Variants in MGAT5 observed in about 807,000 individuals in gnomAD.
The protein encoded by MGAT5 is alpha-1,6-mannosylglycoprotein 6-beta-N-acetylglucosaminyltransferase.
In MGAT5, 30 loss-of-function variants were observed where a neutral mutation model predicts 94.3. That is an observed-to-expected ratio of 0.32 (90% CI 0.24 to 0.43). The LOEUF is 0.43. Ranked by LOEUF, MGAT5 falls within the 20% of genes least tolerant of loss-of-function variation. The probability of loss-of-function intolerance (pLI) is 1.00; values close to 1 mark genes in which losing one functional copy is unlikely to be tolerated. For missense variants in MGAT5, 691 were observed against 905.5 expected (o/e 0.76, Z 3.04); for synonymous variants, 310 against 322.9 (o/e 0.96, Z 0.43).
intron 1 of MGAT5, among the ~76,000 whole-genome samples, chr2:134,165,769 T>A (rs1687940531): frequency 6.6e-6 from 1 of 151,106 alleles, no homozygotes; most frequent in African/African-American, 2.4e-5. Context: ...AGCGAAACTC[T>A]GTCTCAAAAA....
intron 13 of MGAT5, among the ~76,000 whole-genome samples, chr2:134,425,111 A>C (rs1242154668): frequency 1.3e-5 from 2 of 152,240 alleles, no homozygotes; most frequent in African/African-American, 4.8e-5. Flanking sequence ...AGCAGAAAAG[A>C]AAAACACACC....
Position 134,422,858 on chromosome 2 carries a change from C to T in MGAT5, c.1733C>T (p.Thr578Ile). Residue 578 changes from threonine (T) to isoleucine (I), a missense_variant, in exon 13 of 16, where the codon ACT becomes ATT. By Grantham distance (89) the Thr-to-Ile change is moderately conservative. Coordinates refer to ENST00000281923, the MANE Select transcript of MGAT5 (RefSeq NM_002410.5). ...EVFIGRPHVW[T>I]VDLNNQEEVE... ...TTCATCGGGCGGCCACATGTGTGGA[C>T]TGTTGACCTCAACAATCAGGAGGAA... 6.2e-7 allele frequency: 1 copy of T among 1,613,956 alleles called. No homozygotes were observed. Among genetic ancestry groups the T allele is most frequent in the East Asian group, 2.2e-5 (1 of 44,882 alleles).
chr2:134,322,570 G>T (rs969628277), intron 4 of MGAT5, among the ~76,000 whole-genome samples: 1 of 152,144 alleles, frequency 6.6e-6, no homozygotes, highest in Non-Finnish European at 1.5e-5. Flanking sequence ...CTGCACGTAT[G>T]GACCCAGTGC....
At chr2:134,256,649 A>G (rs999709832) in intron 1 of MGAT5, among the ~76,000 whole-genome samples, 1 of 152,264 alleles carries the variant, frequency 6.6e-6, no homozygotes, top group African/African-American at 2.4e-5. Flanking sequence ...AAAAAATCCC[A>G]GAATAGGCTG....
At chr2:134,358,918 T>C (rs1679916641) in intron 9 of MGAT5, among the ~76,000 whole-genome samples, 2 of 152,238 alleles carry the variant, frequency 1.3e-5, no homozygotes, top group Admixed American at 1.3e-4. Flanking sequence ...GAGTGAATTA[T>C]TCAAGCTAAG....
At chr2:134,408,159 G>A (rs749185196) in intron 11 of MGAT5, among the ~76,000 whole-genome samples, 5 of 152,154 alleles carry the variant, frequency 3.3e-5, no homozygotes, top group Non-Finnish European at 7.3e-5. Flanking sequence ...CTGAGGGGTT[G>A]TCCTGGTGTG....
chr2:134,126,384 C>T (rs780396501), intron 1 of MGAT5, among the ~76,000 whole-genome samples: 1 of 152,200 alleles, frequency 6.6e-6, no homozygotes, highest in Non-Finnish European at 1.5e-5. Context: ...ATTGAATGCG[C>T]TCCAAAGATC....
intron 4 of MGAT5, among the ~76,000 whole-genome samples, chr2:134,332,125 A>G (rs899058583): frequency 3.2e-4 from 48 of 152,192 alleles, no homozygotes; most frequent in African/African-American, 6.5e-4. Context: ...AGCCTGCATC[A>G]CCAAGTCAAT....
Position 134,453,146 on chromosome 2 carries a change from T to A in MGAT5, c.*4299T>A, listed in dbSNP as rs2106462259. 1 of 152,368 alleles carries A rather than the reference T, an allele frequency of 6.6e-6. No homozygotes were observed. The highest frequency in any genetic ancestry group is 2.1e-4 in the South Asian group (1 of 4,830). 9.4% of individuals were successfully genotyped at this position (152,368 alleles called of 1,614,324 possible). ...ACTTGAGAAATAGAGCTGAGCTCAT[T>A]CCCTTCCTGTTGATTCAAAAATAAT... On this transcript the variant is annotated 3_prime_UTR_variant, in exon 16 of 16. Coordinates refer to ENST00000281923, the MANE Select transcript of MGAT5 (RefSeq NM_002410.5).
At chr2:134,217,536 A>G (rs1573881239) in intron 1 of MGAT5, among the ~76,000 whole-genome samples, 1 of 152,374 alleles carries the variant, frequency 6.6e-6, no homozygotes, top group African/African-American at 2.4e-5. Context: ...ATGGAAAGAC[A>G]CTGCATTGGC....
At chr2:134,349,712 T>C in intron 8 of MGAT5, 93 bp from the exon 9 acceptor site, 1 of 1,396,070 alleles carries the variant, frequency 7.2e-7, no homozygotes, top group Non-Finnish European at 9.8e-7. Flanking sequence ...GATTTACCTA[T>C]TTTTAGTAGT....
At chr2:134,437,138 G>A (rs1029880938) in intron 14 of MGAT5, among the ~76,000 whole-genome samples, 16 of 152,128 alleles carry the variant, frequency 1.1e-4, no homozygotes, top group African/African-American at 2.4e-4. Context: ...ACAGGCGCGC[G>A]CCACCATGCC....
chr2:134,160,284 C>T (rs1196294435), intron 1 of MGAT5, among the ~76,000 whole-genome samples: 2 of 152,368 alleles, frequency 1.3e-5, no homozygotes, highest in African/African-American at 4.8e-5. Flanking sequence ...TGCCACTCTC[C>T]TGCATCAGCC....
chr2:134,222,242 A>C (rs1680815760), intron 1 of MGAT5, among the ~76,000 whole-genome samples: 1 of 152,194 alleles, frequency 6.6e-6, no homozygotes, highest in African/African-American at 2.4e-5. Context: ...ATTTACAAGG[A>C]ATGTCTAATG....
At chr2:134,208,938 A>G (rs187096458) in intron 1 of MGAT5, among the ~76,000 whole-genome samples, 16 of 152,322 alleles carry the variant, frequency 1.1e-4, no homozygotes, top group African/African-American at 3.8e-4. Context: ...TGTTGTGGTC[A>G]GTGTCTGTTT....
At chr2:134,280,554 C>T (rs973482899) in intron 2 of MGAT5, among the ~76,000 whole-genome samples, 53 of 152,194 alleles carry the variant, frequency 3.5e-4, no homozygotes, top group African/African-American at 1.2e-3. Context: ...TTCTAGTCAA[C>T]GTTTACTGTG....
intron 1 of MGAT5, among the ~76,000 whole-genome samples, chr2:134,183,126 TCTAA>T (rs1688831455): frequency 6.6e-6 from 1 of 152,192 alleles, no homozygotes; most frequent in Non-Finnish European, 1.5e-5. Context: ...TGGTTTTGAT[TCTAA>T]CTGTTGATAT....
intron 1 of MGAT5, among the ~76,000 whole-genome samples, chr2:134,236,147 C>G (rs1257193): frequency 6.6e-6 from 1 of 152,058 alleles, no homozygotes; most frequent in African/African-American, 2.4e-5. Context: ...AAGCTCTGCC[C>G]CTAGCCCTGT....
intron 1 of MGAT5, among the ~76,000 whole-genome samples, chr2:134,236,540 T>C (rs1165816747): frequency 1.3e-5 from 2 of 152,182 alleles, no homozygotes; most frequent in Admixed American, 6.5e-5. Flanking sequence ...TATAGGGACC[T>C]TCCCCCCCCT....
Sources: allele counts gnomAD v4.1 joint callset (sites outside exome capture counted in the v4.1 genomes callset), GRCh38; gene constraint gnomAD v4.1.1; transcripts MANE v1.5; gene names NCBI Gene and HGNC (gene_info 2026-07-23, HGNC 2026-07-21).